Variants in FER observed in about 807,000 individuals in gnomAD.
FER encodes the protein tyrosine-protein kinase Fer.
In FER, 63 loss-of-function variants were observed where a neutral mutation model predicts 111.0. The observed-to-expected ratio is 0.57, with a 90% CI of 0.46 to 0.70. The LOEUF (loss-of-function observed/expected upper bound fraction) is 0.70, where lower values mean the gene tolerates loss of function less well. FER is among the 30% of genes least tolerant of loss of function. FER has a pLI of 0.00. For missense variants in FER, 914 were observed against 954.0 expected, an observed-to-expected ratio of 0.96 and a Z score of 0.55; for synonymous variants, 327 against 313.9, an observed-to-expected ratio of 1.04 and a Z score of -0.44.
At chr5:108,914,392 AC>A (rs1751980631) in intron 10 of FER, among the ~76,000 whole-genome samples, 1 of 152,128 alleles carries the variant, frequency 6.6e-6, no homozygotes, top group African/African-American at 2.4e-5. Context: ...CATTATTATT[AC>A]GTTTCTTCTA....
chr5:108,989,995 C>A (rs969768541), intron 13 of FER, among the ~76,000 whole-genome samples: 21 of 151,790 alleles, frequency 1.4e-4, no homozygotes, highest in Non-Finnish European at 4.4e-5. Flanking sequence ...TTTGTGTCCC[C>A]CTAGTGCCTT....
chr5:108,875,627 G>A (rs1561547042), intron 8 of FER, among the ~76,000 whole-genome samples: 2 of 151,992 alleles, frequency 1.3e-5, no homozygotes, highest in Non-Finnish European at 2.9e-5. Context: ...TGTCTGTTTC[G>A]TGCTTTTTGT....
intron 10 of FER, among the ~76,000 whole-genome samples, chr5:108,936,416 G>T (rs1165664806): frequency 6.6e-6 from 1 of 151,994 alleles, no homozygotes; most frequent in Non-Finnish European, 1.5e-5. Context: ...TAAGTCTGAT[G>T]TTTGGAGTTA....
chr5:108,971,318 T>A (rs1420123088), intron 13 of FER, among the ~76,000 whole-genome samples: 1 of 146,016 alleles, frequency 6.8e-6, no homozygotes, highest in Admixed American at 6.8e-5. Flanking sequence ...AGAAAGAAAT[T>A]CTCAGTACTG....
chr5:108,873,984 G>A (rs1408014315), intron 8 of FER, among the ~76,000 whole-genome samples: 1 of 152,100 alleles, frequency 6.6e-6, no homozygotes, highest in Non-Finnish European at 1.5e-5. Flanking sequence ...CGTGCTGCTG[G>A]TGAAGGAATA....
At chr5:108,929,553 A>C (rs892911204) in intron 10 of FER, among the ~76,000 whole-genome samples, 1 of 152,122 alleles carries the variant, frequency 6.6e-6, no homozygotes, top group African/African-American at 2.4e-5. Flanking sequence ...TAACAGAAAT[A>C]AGGTACATGA....
chr5:109,167,395 A>G lies in FER; in HGVS notation c.2049-13352A>G, dbSNP rs149667486. Among the ~76,000 whole-genome samples, 193 of 152,314 alleles carry G rather than the reference A, an allele frequency of 1.3e-3. 3 individuals are homozygous for G. Among genetic ancestry groups the G allele is most frequent in the African/African-American group, 4.5e-3 (189 of 41,576 alleles). On this transcript the variant is annotated intron_variant, in intron 17 of 19. Transcript: ENST00000281092. ...AACCATAGAATGCAGTGTTCCTAGAACATACAAATTCATCTGCATAATAGA... is the reference window on the plus strand; with the variant it reads ...AACCATAGAATGCAGTGTTCCTAGAGCATACAAATTCATCTGCATAATAGA...
At chr5:108,879,704 AT>A (rs1561553210) in intron 8 of FER, among the ~76,000 whole-genome samples, 18 of 114,816 alleles carry the variant, frequency 1.6e-4, no homozygotes, top group African/African-American at 7.3e-4. Flanking sequence ...AAAAAAAAAT[AT>A]ATATATATAT....
intron 10 of FER, among the ~76,000 whole-genome samples, chr5:108,921,807 A>T (rs1167299098): frequency 6.6e-6 from 1 of 152,308 alleles, no homozygotes; most frequent in Admixed American, 6.5e-5. Flanking sequence ...GTAGGAATAG[A>T]TGTTTATTTG....
intron 10 of FER, among the ~76,000 whole-genome samples, chr5:108,943,886 A>G (rs1273688379): frequency 6.6e-6 from 1 of 151,888 alleles, no homozygotes; most frequent in Non-Finnish European, 1.5e-5. Context: ...GGCACACGCT[A>G]CCATGTCTGG....
At chr5:108,783,165 G>A (rs1033514642) in intron 2 of FER, among the ~76,000 whole-genome samples, 2 of 152,104 alleles carry the variant, frequency 1.3e-5, no homozygotes, top group African/African-American at 4.8e-5. Context: ...ATTTTTTTCT[G>A]TGTTGTTTGG....
At position 109,187,288 on chromosome 5, in the gene FER, A is replaced by C. The variant is rs1377015273; in HGVS notation, c.2327-145A>C. On this transcript the variant is annotated intron_variant, in intron 19 of 19. Transcript: ENST00000281092. ...TCTGCATCACCTGTAGAAAATAAAA[A>C]CTCAGCCTCCCCAGAAATGGATGTT... 8.0e-6 allele frequency: 6 copies of C among 746,186 alleles called. No homozygotes were observed. In the East Asian group the frequency reaches 1.3e-4, roughly 16 times the overall value. 46.2% of individuals were successfully genotyped at this position (746,186 alleles called of 1,614,324 possible).
At chr5:108,844,992 GTGTGTATATATATATATATA>G (rs1761745515) in intron 5 of FER, among the ~76,000 whole-genome samples, 2 of 38,274 alleles carry the variant, frequency 5.2e-5, no homozygotes, top group African/African-American at 1.2e-4. Flanking sequence ...TGGTGTGTGT[GTGTGTATATATATATATATA>G]TATATATATA....
In FER at chr5:109,100,389, C is replaced by G. The variant is rs776207549; in HGVS notation, c.1925-7C>G. The G allele has an allele frequency of 5.6e-6, 9 of 1,609,198 alleles. No individual in the cohort carries two copies. Among genetic ancestry groups the G allele is most frequent in the Non-Finnish European group, 6.8e-6 (8 of 1,176,952 alleles). ...TTGTCTCATTGTTCATCTATCAATT[C>G]CTCTAGGAGGTGATTTCCTCACCTT... is the stretch of plus-strand genomic sequence containing the variant. On this transcript the variant is annotated splice_polypyrimidine_tract_variant and splice_region_variant and intron_variant, in intron 16 of 19. Transcript: ENST00000281092.
At chr5:108,928,357 C>G (rs973115452) in intron 10 of FER, among the ~76,000 whole-genome samples, 4 of 152,286 alleles carry the variant, frequency 2.6e-5, no homozygotes, top group Non-Finnish European at 5.9e-5. Flanking sequence ...GTTTTTACTG[C>G]TGCCAATTGG....
chr5:108,832,750 CTTTTT>C lies in FER; in HGVS notation c.208-8_208-4del, dbSNP rs376837075. The C allele has an allele frequency of 1.0e-5, 13 of 1,283,938 alleles. No individual in the cohort carries two copies. Among genetic ancestry groups the C allele is most frequent in the South Asian group, 8.4e-5 (4 of 47,672 alleles). The allele number at this position is 1,283,938 out of a possible 1,614,324, so 79.5% of individuals were successfully genotyped here. ...AAACCTTTAATGCAAATGTTTGTTT[CTTTTT>C]TTTTTTTTTTTAAGTCTTGGCTACT... On this transcript the variant is annotated splice_polypyrimidine_tract_variant and intron_variant, in intron 3 of 19. Transcript: ENST00000281092.
intron 16 of FER, among the ~76,000 whole-genome samples, chr5:109,080,530 A>G (rs1172512941): frequency 6.6e-6 from 1 of 152,128 alleles, no homozygotes; most frequent in Non-Finnish European, 1.5e-5. Flanking sequence ...TGTTGAATCA[A>G]GGAGTTGATT....
chr5:108,976,601 A>G (rs1761379720), intron 13 of FER, among the ~76,000 whole-genome samples: 2 of 152,192 alleles, frequency 1.3e-5, no homozygotes, highest in East Asian at 1.9e-4. Context: ...AACTACTAAT[A>G]GCCTACTGTT....
chr5:108,919,275 T>C (rs1295671204), intron 10 of FER, among the ~76,000 whole-genome samples: 1 of 152,036 alleles, frequency 6.6e-6, no homozygotes, highest in African/African-American at 2.4e-5. Flanking sequence ...TTGATTTCAC[T>C]TTGTAGATTT....
Sources: allele counts gnomAD v4.1 joint callset (sites outside exome capture counted in the v4.1 genomes callset), GRCh38; gene constraint gnomAD v4.1.1; transcripts MANE v1.5; gene names NCBI Gene and HGNC (gene_info 2026-07-23, HGNC 2026-07-21).